The following RGS6 variants were observed in gnomAD, a reference collection of about 807,000 sequenced individuals.
RGS6 encodes the protein regulator of G protein signaling 6.
Under a neutral mutation model 78.5 loss-of-function variants are expected in RGS6, and 30 were observed. The ratio of observed to expected loss-of-function variants is 0.38; its 90% confidence interval spans 0.29 to 0.52. RGS6 has a LOEUF of 0.52. Among genes scored for constraint, RGS6 ranks in the 20% least tolerant of loss-of-function variants. The pLI is 0.85. For synonymous variants in RGS6, 206 were observed against 206.0 expected (o/e 1.00, Z 0.00); for missense variants, 495 against 609.7 (o/e 0.81, Z 1.98).
chr14:72,356,301 G>A (rs1187833967), intron 3 of RGS6, among the ~76,000 whole-genome samples: 1 of 152,098 alleles, frequency 6.6e-6, no homozygotes, highest in South Asian at 2.1e-4. Context: ...TTAAAAGTGT[G>A]GCACTTCCCC....
chr14:72,224,935 T>C lies in RGS6; in HGVS notation c.85-127160T>C, dbSNP rs116360610. ...AAAGCAAAACTGAGGAATTCAGCAG[T>C]CCTCGAGGCCTCGACTCACACCTTT... On this transcript the variant is annotated intron_variant, in intron 2 of 17. Transcript: ENST00000553525. 2.1e-3 allele frequency among the ~76,000 whole-genome samples: 322 copies of C among 152,226 alleles called. 1 individual carries two copies. The highest frequency in any genetic ancestry group is 7.5e-3 in the African/African-American group (310 of 41,528).
At chr14:72,342,626 A>T (rs2077231746) in intron 2 of RGS6, among the ~76,000 whole-genome samples, 1 of 143,864 alleles carries the variant, frequency 7.0e-6, no homozygotes. Context: ...GCTACTTGGG[A>T]TGCTGAGGTG....
At chr14:72,195,438 A>C (rs1458476444) in intron 2 of RGS6, among the ~76,000 whole-genome samples, 9 of 152,214 alleles carry the variant, frequency 5.9e-5, no homozygotes, top group Non-Finnish European at 1.0e-4. Context: ...TAAAGCCATA[A>C]GACCAGATGA....
chr14:72,405,666 G>A (rs1355865094), intron 3 of RGS6, among the ~76,000 whole-genome samples: 1 of 152,116 alleles, frequency 6.6e-6, no homozygotes, highest in Non-Finnish European at 1.5e-5. Flanking sequence ...TAACCCATGT[G>A]GCCTTGTGTC....
At chr14:72,232,125 C>T (rs1299796650) in intron 2 of RGS6, among the ~76,000 whole-genome samples, 1 of 152,184 alleles carries the variant, frequency 6.6e-6, no homozygotes, top group East Asian at 1.9e-4. Flanking sequence ...TAGGTATGAG[C>T]ATGACCAGGA....
chr14:72,012,351 A>T (rs1567017287), intron 2 of RGS6, among the ~76,000 whole-genome samples: 1 of 152,256 alleles, frequency 6.6e-6, no homozygotes, highest in East Asian at 1.9e-4. Flanking sequence ...AGGAAAGATC[A>T]TGATGTATTT....
At chr14:71,969,269 C>T (rs1377332174) in intron 2 of RGS6, among the ~76,000 whole-genome samples, 1 of 152,116 alleles carries the variant, frequency 6.6e-6, no homozygotes, top group Non-Finnish European at 1.5e-5. Flanking sequence ...TCATTCTACT[C>T]ATTGGTGCTT....
chr14:72,506,585 A>T (rs949422934), intron 13 of RGS6, among the ~76,000 whole-genome samples: 31 of 152,252 alleles, frequency 2.0e-4, no homozygotes, highest in Non-Finnish European at 4.4e-4. Context: ...GAAGCTTTTA[A>T]TAGAACAGAC....
chr14:72,456,280 C>G lies in RGS6; in HGVS notation c.235+1702C>G, dbSNP rs552807802. 3.9e-5 allele frequency among the ~76,000 whole-genome samples: 6 copies of G among 152,220 alleles called. No individual in the cohort carries two copies. The East Asian group carries it at 1.2e-3, about 29-fold the overall frequency. ...TCTCTCCCTTCTTTTTCCCATCAGT[C>G]GATTTCCTGTGGTTATTTTTTGGTT... On this transcript the variant is annotated intron_variant, in intron 4 of 17. Coordinates refer to ENST00000553525, the MANE Select transcript of RGS6 (RefSeq NM_001204424.2).
intron 2 of RGS6, among the ~76,000 whole-genome samples, chr14:72,156,453 CAAAAAAAAAAAAAAA>C (rs11332387): frequency 6.5e-5 from 5 of 76,778 alleles, no homozygotes; most frequent in Admixed American, 1.6e-4. Context: ...GACTCCATCT[CAAAAAAAAAAAAAAA>C]AAAAAAAAAA....
chr14:72,124,161 CA>C (rs2096127914), intron 2 of RGS6, among the ~76,000 whole-genome samples: 1 of 152,152 alleles, frequency 6.6e-6, no homozygotes, highest in African/African-American at 2.4e-5. Context: ...ATAATAATAA[CA>C]GCCATTTAAT....
Position 72,460,099 on chromosome 14 carries a change from A to G in RGS6, c.394+416A>G, listed in dbSNP as rs117183685. Among the ~76,000 whole-genome samples the G allele has an allele frequency of 2.6e-3, 402 of 152,274 alleles. 14 individuals are homozygous for G. In the East Asian group the frequency reaches 0.07, roughly 27 times the overall value. On this transcript the variant is annotated intron_variant, in intron 6 of 17. Transcript: ENST00000553525. ...TCTCATAGACTTGTCAAAACTTACT[A>G]AGAACCTTTTGGTGTTCTTGACAGT... is the stretch of plus-strand genomic sequence containing the variant.
intron 2 of RGS6, among the ~76,000 whole-genome samples, chr14:72,007,692 C>T (rs1595990458): frequency 6.6e-6 from 1 of 152,280 alleles, no homozygotes; most frequent in East Asian, 1.9e-4. Context: ...GAAGGGCTTG[C>T]CTTACAGATC....
At chr14:72,518,592 G>C in intron 15 of RGS6, 55 bp downstream of exon 15, 1 of 1,517,394 alleles carries the variant, frequency 6.6e-7, no homozygotes, top group Non-Finnish European at 9.1e-7. Context: ...CCCCTTCATT[G>C]CCTGACCTAT....
upstream of RGS6, among the ~76,000 whole-genome samples, chr14:71,931,851 T>C (rs1198551898): frequency 1.3e-5 from 2 of 152,216 alleles, no homozygotes; most frequent in African/African-American, 4.8e-5. Flanking sequence ...GAAAGTTCTT[T>C]TGTAGTGTTC....
chr14:72,206,437 A>G lies in RGS6; in HGVS notation c.85-145658A>G, dbSNP rs79019153. On this transcript the variant is annotated intron_variant, in intron 2 of 17. Transcript: ENST00000553525. The stretch of plus-strand genomic sequence containing the variant: ...GGAAAAGATATATACATATGGTATT[A>G]TATATATAATTTCTGTGTGTATGCA... Among the ~76,000 whole-genome samples the G allele has an allele frequency of 7.4e-3, 1,120 of 152,234 alleles. 16 individuals are homozygous for G. Among genetic ancestry groups the G allele is most frequent in the African/African-American group, 0.026 (1,080 of 41,540 alleles).
intron 6 of RGS6, among the ~76,000 whole-genome samples, chr14:72,462,726 G>A (rs564638170): frequency 5.9e-5 from 9 of 152,254 alleles, no homozygotes; most frequent in Middle Eastern, 6.8e-3. Context: ...ACTGGTCCTC[G>A]ATTCTAATTC....
rs563225831 is a variant in RGS6 at position 72,490,446 on chromosome 14, C to T, written c.855-4706C>T. 6.6e-5 allele frequency among the ~76,000 whole-genome samples: 10 copies of T among 152,284 alleles called. No homozygotes were observed. In the South Asian group the frequency reaches 1.2e-3, roughly 19 times the overall value. On this transcript the variant is annotated intron_variant, in intron 12 of 17. Transcript: ENST00000553525. ...CTAATACAGCTCTTATTGGTGAAGC[C>T]TGGCCCCAGGGAAGATGCATACCTT...
the RGS6 span, among the ~76,000 whole-genome samples, chr14:71,874,168 A>G: frequency 6.6e-6 from 1 of 151,998 alleles, no homozygotes; most frequent in African/African-American, 2.4e-5. Context: ...GTTTTTTCCA[A>G]TTCTGTGAAG....
Sources: gnomAD v4.1 joint callset for allele counts (sites outside exome capture counted in the v4.1 genomes callset) on GRCh38, gnomAD v4.1.1 for gene constraint, MANE v1.5 for transcripts, NCBI Gene and HGNC (gene_info 2026-07-23, HGNC 2026-07-21) for gene names.